NCOA3: variants seen among roughly 807,000 people sequenced by gnomAD.
The protein encoded by NCOA3 is CBP-interacting protein.
A neutral mutation model predicts 158.8 loss-of-function variants in NCOA3; 51 were observed. The ratio of observed to expected loss-of-function variants is 0.32; its 90% CI spans 0.26 to 0.41. The LOEUF (loss-of-function observed/expected upper bound fraction) is 0.41, where lower values mean the gene tolerates loss of function less well. Ranked by LOEUF, NCOA3 falls within the 10% of genes least tolerant of loss-of-function variation. The pLI is 1.00. For missense variants in NCOA3, 1,510 were observed against 1,746.6 expected (o/e 0.86, Z 2.41); for synonymous variants, 537 against 592.4 (o/e 0.91, Z 1.36).
In NCOA3 at chr20:47,639,693, G is replaced by A; in HGVS notation, c.2824G>A (p.Gly942Arg). 2 of 1,614,162 alleles carry A rather than the reference G, an allele frequency of 1.2e-6. No individual in the cohort carries two copies. Among genetic ancestry groups the A allele is most frequent in the Non-Finnish European group, 1.7e-6 (2 of 1,180,010 alleles). Residue 942 changes from glycine (G) to arginine (R), a missense_variant, in exon 15 of 23, where the codon GGA becomes AGA. Physicochemically the swap from Gly to Arg is moderately radical, Grantham distance 125. This residue lies in a region of NCOA3 where 1,017 missense variants were observed against 1,098.3 expected (regional missense o/e 0.93). Transcript: ENST00000371998. ...GAATTCAAACTCCATGGGAAGACCA[G>A]GAGGAGATTATAATACTTCTTTACC... Reference protein sequence around the residue: ...PMNSNSMGRPGGDYNTSLPRP... With the variant: ...PMNSNSMGRPRGDYNTSLPRP...
At chr20:47,531,782 ACCTCTGTCAACTTTC>A (rs2084551367) in intron 1 of NCOA3, among the ~76,000 whole-genome samples, 2 of 151,586 alleles carry the variant, frequency 1.3e-5, no homozygotes, top group South Asian at 4.2e-4. Flanking sequence ...TAACCTTTTT[ACCTCTGTCAACTTTC>A]CATCCTTCAG....
At position 47,527,382 on chromosome 20, in the gene NCOA3, C is replaced by T. The variant is rs977856461; in HGVS notation, c.-99+25363C>T. Among the ~76,000 whole-genome samples the T allele has an allele frequency of 5.3e-5, 8 of 151,800 alleles. No homozygotes were observed. The East Asian group carries it at 5.8e-4, about 11-fold the overall frequency. ...TGTGTCAGCTTCTTTTTTTTCTTTA[C>T]GTATATTTTGTTGCTGTTGTTGTGT... On this transcript the variant is annotated intron_variant, in intron 1 of 22. Coordinates refer to ENST00000371998, the MANE Select transcript of NCOA3 (RefSeq NM_181659.3).
At chr20:47,600,519 C>T (rs1218379621) in intron 2 of NCOA3, among the ~76,000 whole-genome samples, 4 of 140,428 alleles carry the variant, frequency 2.8e-5, no homozygotes, top group African/African-American at 7.8e-5. Flanking sequence ...TTTTTTTTGG[C>T]GGGCGTGTGG....
At chr20:47,634,024 G>C (rs1198214598) in intron 9 of NCOA3, 24 bp from the exon 10 acceptor site, 1 of 1,613,532 alleles carries the variant, frequency 6.2e-7, no homozygotes, top group African/African-American at 1.3e-5. Flanking sequence ...GTAGTTACCA[G>C]TGATGGGATA....
chr20:47,559,556 TC>T (rs1396656382), intron 1 of NCOA3, among the ~76,000 whole-genome samples: 1 of 152,114 alleles, frequency 6.6e-6, no homozygotes, highest in Non-Finnish European at 1.5e-5. Context: ...CTTTTTTTCT[TC>T]CCCAGAATAG....
In NCOA3 at chr20:47,590,726, G is replaced by A. The variant is rs566027904; in HGVS notation, c.-20+7465G>A. On this transcript the variant is annotated intron_variant, in intron 2 of 22. Transcript: ENST00000371998. ...CTGGGGAGGCTGAGGTAGGAGGATC[G>A]CTTGACGCTGGGAGGCTGATGCCTC... 1.2e-4 allele frequency among the ~76,000 whole-genome samples: 19 copies of A among 152,020 alleles called. No homozygotes were observed. In the South Asian group the frequency reaches 1.5e-3, roughly 12 times the overall value.
At chr20:47,567,012 CTATG>C (rs71183264) in intron 1 of NCOA3, among the ~76,000 whole-genome samples, 39,160 of 145,070 alleles carry the variant, frequency 0.27, 5,604 homozygotes, top group East Asian at 0.55. Context: ...TGGTATAGTA[CTATG>C]TATGTATGTA....
chr20:47,625,249 T>G, intron 4 of NCOA3, 132 bp from the exon 5 acceptor site: 1 of 612,116 alleles, frequency 1.6e-6, no homozygotes, highest in Non-Finnish European at 2.9e-6. Flanking sequence ...CATTCTCTTA[T>G]GAGGAAATGT....
chr20:47,511,550 T>TATATACAC lies in NCOA3; in HGVS notation c.-99+9536_-99+9537insCACATATA, dbSNP rs1556556371. On this transcript the variant is annotated intron_variant, in intron 1 of 22. Coordinates refer to ENST00000371998, the MANE Select transcript of NCOA3 (RefSeq NM_181659.3). ...ATATATATATATATATATATATATA[T>TATATACAC]ATATATTTCTTTTTTTTTTTGAGAC... is the stretch of plus-strand genomic sequence containing the variant. Among the ~76,000 whole-genome samples the TATATACAC allele has an allele frequency of 1.3e-3, 67 of 52,270 alleles. 9 individuals are homozygous for TATATACAC. The highest frequency in any genetic ancestry group is 3.4e-3 in the East Asian group (4 of 1,168). 34.3% of individuals were successfully genotyped at this position (52,270 alleles called of 152,430 possible). A position where few individuals can be genotyped will look rare whatever the true frequency, so the allele number is the denominator to read the frequency against.
intron 1 of NCOA3, among the ~76,000 whole-genome samples, chr20:47,565,853 A>G (rs1296995347): frequency 5.3e-5 from 8 of 152,182 alleles, no homozygotes; most frequent in Non-Finnish European, 1.2e-4. Flanking sequence ...TCCCATGACC[A>G]TCCACTAACT....
At chr20:47,571,808 A>T (rs1312319022) in intron 1 of NCOA3, among the ~76,000 whole-genome samples, 2 of 151,730 alleles carry the variant, frequency 1.3e-5, no homozygotes, top group African/African-American at 4.8e-5. Flanking sequence ...GCTTAATGCA[A>T]CCTCTGCCTC....
intron 1 of NCOA3, among the ~76,000 whole-genome samples, chr20:47,525,616 A>AC (rs1176855560): frequency 0.01 from 984 of 96,680 alleles, 58 homozygotes; most frequent in African/African-American, 0.047. Flanking sequence ...CGGGGGGCTG[A>AC]CCCCCCCACC....
Position 47,591,920 on chromosome 20 carries a change from T to G in NCOA3, c.-20+8659T>G, listed in dbSNP as rs1258278274. Among the ~76,000 whole-genome samples, 3 of 152,320 alleles carry G rather than the reference T, an allele frequency of 2.0e-5. No homozygotes were observed. The Middle Eastern group carries it at 0.01, about 518-fold the overall frequency. ...ATGGTATTCTTTGAGCTTCTTGGAT[T>G]TGTAAATTTGTGTTTTCATCAAATA... On this transcript the variant is annotated intron_variant, in intron 2 of 22. Coordinates refer to ENST00000371998, the MANE Select transcript of NCOA3 (RefSeq NM_181659.3).
At chr20:47,527,360 G>A (rs550359890) in intron 1 of NCOA3, among the ~76,000 whole-genome samples, 1 of 152,158 alleles carries the variant, frequency 6.6e-6, no homozygotes, top group South Asian at 2.1e-4. Context: ...AGTATGTTGT[G>A]TCAGCTTCTT....
At chr20:47,561,238 G>A (rs116950293) in intron 1 of NCOA3, among the ~76,000 whole-genome samples, 10,205 of 148,984 alleles carry the variant, frequency 0.068, 446 homozygotes, top group Middle Eastern at 0.099. Context: ...GCCTCCTAAA[G>A]TGCTGGGATT....
intron 1 of NCOA3, among the ~76,000 whole-genome samples, chr20:47,555,913 A>G (rs1317972084): frequency 6.9e-6 from 1 of 145,058 alleles, no homozygotes; most frequent in African/African-American, 2.6e-5. Flanking sequence ...AAGTGCTGGG[A>G]TTACAGGCGT....
intron 16 of NCOA3, among the ~76,000 whole-genome samples, chr20:47,641,471 C>T (rs1419592265): frequency 6.7e-6 from 1 of 148,578 alleles, no homozygotes; most frequent in African/African-American, 2.5e-5. Flanking sequence ...AGGTGTCAGC[C>T]ACCACGCCTG....
intron 1 of NCOA3, among the ~76,000 whole-genome samples, chr20:47,523,569 TAA>T (rs1188505856): frequency 2.0e-5 from 3 of 152,186 alleles, no homozygotes; most frequent in African/African-American, 7.2e-5. Flanking sequence ...TGGAATTTAT[TAA>T]AGAGGGGTTG....
chr20:47,603,022 C>G (rs1181741216), intron 2 of NCOA3, among the ~76,000 whole-genome samples: 1 of 152,144 alleles, frequency 6.6e-6, no homozygotes, highest in Non-Finnish European at 1.5e-5. Flanking sequence ...AATCCTTAGT[C>G]ACTTGTAACC....
Sources: gnomAD v4.1 joint callset for allele counts (sites outside exome capture counted in the v4.1 genomes callset) on GRCh38, gnomAD v4.1.1 for gene constraint, gnomAD v4.1.1 regional missense constraint, MANE v1.5 for transcripts, NCBI Gene and HGNC (gene_info 2026-07-23, HGNC 2026-07-21) for gene names.